HCRTR2: variants seen among roughly 807,000 people sequenced by gnomAD.
HCRTR2 encodes orexin receptor type 2.
A neutral mutation model predicts 49.0 loss-of-function variants in HCRTR2; 22 were observed. That is an observed-to-expected ratio of 0.45 (90% CI 0.32 to 0.64). The LOEUF (loss-of-function observed/expected upper bound fraction) is 0.64, where lower values mean the gene tolerates loss of function less well. Among genes scored for constraint, HCRTR2 ranks in the 30% least tolerant of loss-of-function variants. The pLI, the probability that HCRTR2 is intolerant of heterozygous loss-of-function variation, is 0.04. For synonymous variants in HCRTR2, 236 were observed against 205.3 expected (o/e 1.15, Z -1.28); for missense variants, 491 against 559.4 (o/e 0.88, Z 1.23).
intron 2 of HCRTR2, among the ~76,000 whole-genome samples, chr6:55,252,734 T>C (rs1354400649): frequency 6.6e-6 from 1 of 152,060 alleles, no homozygotes; most frequent in African/African-American, 2.4e-5. Flanking sequence ...TAAAATGAAA[T>C]TAGCCTCCAA....
chr6:55,176,655 A>T (rs1033640819), intron 1 of HCRTR2, among the ~76,000 whole-genome samples: 1 of 152,224 alleles, frequency 6.6e-6, no homozygotes, highest in Non-Finnish European at 1.5e-5. Flanking sequence ...AAAATGACGT[A>T]TTAAGGGACA....
chr6:55,246,213 A>G (rs1766440662), intron 1 of HCRTR2, among the ~76,000 whole-genome samples: 1 of 152,076 alleles, frequency 6.6e-6, no homozygotes, highest in Admixed American at 6.6e-5. Flanking sequence ...CTGTGAGACA[A>G]TAAGTTTGTA....
intron 1 of HCRTR2, among the ~76,000 whole-genome samples, chr6:55,163,972 C>G (rs1764841782): frequency 6.6e-6 from 1 of 152,080 alleles, no homozygotes; most frequent in Non-Finnish European, 1.5e-5. Context: ...AGGATGTGAA[C>G]AGACACCTCT....
At chr6:55,230,439 T>A (rs1021296626) in intron 1 of HCRTR2, among the ~76,000 whole-genome samples, 8 of 152,186 alleles carry the variant, frequency 5.3e-5, no homozygotes, top group African/African-American at 1.9e-4. Context: ...TCCCAAGAGT[T>A]TGCTTAACAC....
intron 1 of HCRTR2, among the ~76,000 whole-genome samples, chr6:55,163,852 G>T (rs899568649): frequency 2.0e-5 from 3 of 152,086 alleles, no homozygotes; most frequent in African/African-American, 7.2e-5. Flanking sequence ...CCTATAAAAT[G>T]GGAGAAAATT....
downstream of HCRTR2, among the ~76,000 whole-genome samples, chr6:55,283,540 C>T (rs547215564): frequency 6.6e-6 from 1 of 152,232 alleles, no homozygotes; most frequent in East Asian, 1.9e-4. Context: ...TTAACTCACA[C>T]ATACATGAAT....
intron 1 of HCRTR2, among the ~76,000 whole-genome samples, chr6:55,125,550 T>G (rs2127241486): frequency 6.6e-6 from 1 of 152,328 alleles, no homozygotes; most frequent in South Asian, 2.1e-4. Context: ...TTAACATTTT[T>G]TCTTTCATTT....
At chr6:55,191,709 A>G (rs1022570881) in intron 1 of HCRTR2, among the ~76,000 whole-genome samples, 2 of 152,184 alleles carry the variant, frequency 1.3e-5, no homozygotes, top group African/African-American at 2.4e-5. Context: ...CCAGAAGAAT[A>G]AGGATTAAGA....
At chr6:55,221,642 T>A (rs1410062323) in intron 1 of HCRTR2, among the ~76,000 whole-genome samples, 4 of 151,282 alleles carry the variant, frequency 2.6e-5, no homozygotes, top group Non-Finnish European at 5.9e-5. Context: ...TGAAACCCCG[T>A]CTCTACTAAA....
At chr6:55,252,056 C>A (rs1766560701) in intron 2 of HCRTR2, among the ~76,000 whole-genome samples, 1 of 152,094 alleles carries the variant, frequency 6.6e-6, no homozygotes, top group African/African-American at 2.4e-5. Context: ...TTTTACATCA[C>A]CTCCAAGAAA....
At chr6:55,239,729 G>A (rs969819531) in intron 1 of HCRTR2, among the ~76,000 whole-genome samples, 2 of 150,230 alleles carry the variant, frequency 1.3e-5, no homozygotes, top group East Asian at 2.0e-4. Flanking sequence ...AATAAAACCC[G>A]AAACACATTT....
intron 1 of HCRTR2, among the ~76,000 whole-genome samples, chr6:55,231,235 G>A (rs1379337199): frequency 1.3e-5 from 2 of 151,890 alleles, no homozygotes; most frequent in African/African-American, 2.4e-5. Flanking sequence ...AGACATACAG[G>A]TATTCTATTA....
intron 1 of HCRTR2, among the ~76,000 whole-genome samples, chr6:55,159,757 A>G (rs1290373328): frequency 6.6e-6 from 1 of 152,240 alleles, no homozygotes; most frequent in Non-Finnish European, 1.5e-5. Flanking sequence ...GATCAACTTA[A>G]TGAAATAAAG....
At chr6:55,145,822 A>AT (rs1272655697) in intron 1 of HCRTR2, among the ~76,000 whole-genome samples, 1 of 151,852 alleles carries the variant, frequency 6.6e-6, no homozygotes, top group East Asian at 1.9e-4. Flanking sequence ...CTTCTTACTT[A>AT]TTTTTTTAAA....
At chr6:55,128,711 T>G (rs1022350705) in intron 1 of HCRTR2, among the ~76,000 whole-genome samples, 1 of 152,136 alleles carries the variant, frequency 6.6e-6, no homozygotes, top group African/African-American at 2.4e-5. Context: ...TTTCAGAATA[T>G]CCATGTAGTT....
downstream of HCRTR2, among the ~76,000 whole-genome samples, chr6:55,284,607 TG>T (rs1362902510): frequency 1.3e-5 from 2 of 152,084 alleles, no homozygotes; most frequent in Non-Finnish European, 2.9e-5. Flanking sequence ...ACCGTCAACG[TG>T]GTTGGATGTC....
Position 55,123,883 on chromosome 6 carries a change from A to AT in HCRTR2, c.-378+17341dup, listed in dbSNP as rs1465746953. Among the ~76,000 whole-genome samples the AT allele has an allele frequency of 2.6e-5, 4 of 152,082 alleles. No individual in the cohort carries two copies. The East Asian group carries it at 7.7e-4, about 29-fold the overall frequency. On this transcript the variant is annotated intron_variant, in intron 1 of 7. Transcript: ENST00000615358. ...AGTGTATGTGTCCAGAAATTTATCC[A>AT]TTTCTTCTAGGTTTTCTAGTTTTTT...
At chr6:55,252,873 C>CACT (rs1554182331) in intron 2 of HCRTR2, among the ~76,000 whole-genome samples, 20 of 151,954 alleles carry the variant, frequency 1.3e-4, no homozygotes, top group Non-Finnish European at 2.4e-4. Flanking sequence ...GTATCATCAT[C>CACT]ATTATTATTA....
intron 1 of HCRTR2, among the ~76,000 whole-genome samples, chr6:55,117,673 C>A (rs1413796048): frequency 1.3e-5 from 2 of 149,978 alleles, no homozygotes; most frequent in African/African-American, 2.4e-5. Context: ...TAATTATTTT[C>A]TGCATACTCT....
Sources: allele counts gnomAD v4.1 joint callset (sites outside exome capture counted in the v4.1 genomes callset), GRCh38; gene constraint gnomAD v4.1.1; transcripts MANE v1.5; gene names NCBI Gene and HGNC (gene_info 2026-07-23, HGNC 2026-07-21).